The following KDR variants were observed in gnomAD, a reference collection of about 807,000 sequenced individuals.
The protein encoded by KDR is kinase insert domain receptor.
Under a neutral mutation model 160.9 loss-of-function variants are expected in KDR, and 43 were observed. The ratio of observed to expected loss-of-function variants is 0.27; its 90% CI spans 0.21 to 0.34. KDR has a LOEUF of 0.34. KDR is among the 10% of genes least tolerant of loss of function. The pLI is 1.00. For synonymous variants in KDR, 617 were observed against 600.1 expected (o/e 1.03, Z -0.41); for missense variants, 1,469 against 1,666.4 (o/e 0.88, Z 2.06).
rs151095913 is a variant in KDR, at chr4:55,100,523, T to G, written c.2266+1374A>C. Among the ~76,000 whole-genome samples, 378 of 152,322 alleles carry G rather than the reference T, an allele frequency of 2.5e-3. 4 individuals carry two copies. Among genetic ancestry groups the G allele is most frequent in the African/African-American group, 8.4e-3 (351 of 41,574 alleles). On this transcript the variant is annotated intron_variant, in intron 15 of 29. Transcript: ENST00000263923. Reference sequence around the variant, plus strand: ...TGCCAGTGTTACCTAGTTAGGCATCTGTAACCAGCTGCAGGCCACCAACAA... The same window carrying G: ...TGCCAGTGTTACCTAGTTAGGCATCGGTAACCAGCTGCAGGCCACCAACAA...
At position 55,098,749 on chromosome 4, in the gene KDR, A is replaced by G; in HGVS notation, c.2321T>C (p.Ile774Thr). Residue 774 changes from isoleucine to threonine, a missense_variant, in exon 16 of 30, where the codon ATT (isoleucine) becomes ACT (threonine). This residue lies in a region of KDR where 118 missense variants were observed against 110.8 expected (regional missense o/e 1.06). Transcript: ENST00000263923. ...AAGAAGTAGCCAGAAGAACATGGCA[A>G]TCACCGCCGTGCCTACTAGAATAAT... ...EIIILVGTAV[I>T]AMFFWLLLVI... 1 of 1,613,498 alleles carries G rather than the reference A, an allele frequency of 6.2e-7. No homozygotes were observed. The highest frequency in any genetic ancestry group is 8.5e-7 in the Non-Finnish European group (1 of 1,179,558).
Position 55,125,366 on chromosome 4 carries a change from G to C in KDR, c.-73C>G. On this transcript the variant is annotated 5_prime_UTR_variant, in exon 1 of 30. Transcript: ENST00000263923. The stretch of plus-strand genomic sequence containing the variant: ...TTTCTCCCAGCGCCTGTCTAGAGAA[G>C]GAGGCGCGGAGGTGGAACTCGCGGC... 1 of 1,514,116 alleles carries C rather than the reference G, an allele frequency of 6.6e-7. No homozygotes were observed. The highest frequency in any genetic ancestry group is 2.4e-5 in the East Asian group (1 of 41,656). The allele number at this position is 1,514,116 out of a possible 1,614,324, so 93.8% of individuals were successfully genotyped here.
In KDR at chr4:55,125,423, G is replaced by T; in HGVS notation, c.-130C>A. On this transcript the variant is annotated 5_prime_UTR_variant, in exon 1 of 30. Coordinates refer to ENST00000263923, the MANE Select transcript of KDR (RefSeq NM_002253.4). The stretch of plus-strand genomic sequence containing the variant: ...CAGCGCAGGACAGTTGAGCGCACAG[G>T]GCTAGGGAGCCCGGGCGCCGACCGC... 8.3e-7 allele frequency: 1 copy of T among 1,202,878 alleles called. No homozygotes were observed. The highest frequency in any genetic ancestry group is 1.2e-6 in the Non-Finnish European group (1 of 850,554). The allele number at this position is 1,202,878 out of a possible 1,614,324, so 74.5% of individuals were successfully genotyped here.
At chr4:55,114,542 T>C (rs1379522412) in intron 5 of KDR, among the ~76,000 whole-genome samples, 2 of 152,176 alleles carry the variant, frequency 1.3e-5, no homozygotes, top group East Asian at 3.8e-4. Flanking sequence ...CTTTAGCAAA[T>C]TGCTGAAGTT....
At chr4:55,108,226 G>T (rs942543175) in intron 9 of KDR, among the ~76,000 whole-genome samples, 2 of 149,284 alleles carry the variant, frequency 1.3e-5, no homozygotes, top group Non-Finnish European at 3.0e-5. Flanking sequence ...ATAAAGTAAC[G>T]AAATAAAATA....
chr4:55,108,953 G>A (rs1334774075), intron 9 of KDR, among the ~76,000 whole-genome samples: 1 of 152,010 alleles, frequency 6.6e-6, no homozygotes, highest in Non-Finnish European at 1.5e-5. Context: ...TGATGAAATG[G>A]GCTATTTGCT....
In KDR at chr4:55,096,274, G is replaced by A. The variant is rs1720153828; in HGVS notation, c.2683C>T (p.His895Tyr). ...ELKILIHIGH[H>Y]LNVVNLLGAC... ...CCTAGAAGGTTGACCACATTGAGAT[G>A]GTGACCAATATGAATGAGGATCTTG... The change falls in exon 19 of 30, where the codon CAT (histidine) becomes TAT (tyrosine). Residue 895 changes from histidine (H) to tyrosine (Y), a missense_variant. Physicochemically the swap from His to Tyr is moderately conservative, Grantham distance 83 (BLOSUM62 2). Coordinates refer to ENST00000263923, the MANE Select transcript of KDR (RefSeq NM_002253.4). 1.2e-6 allele frequency: 2 copies of A among 1,613,462 alleles called. No individual in the cohort carries two copies. The highest frequency in any genetic ancestry group is 1.7e-5 in the Admixed American group (1 of 59,982).
intron 21 of KDR, among the ~76,000 whole-genome samples, chr4:55,093,337 C>G (rs967605252): frequency 6.6e-6 from 1 of 152,150 alleles, no homozygotes; most frequent in Non-Finnish European, 1.5e-5. Flanking sequence ...TTCAGTGCAA[C>G]TGGTACAAAT....
intron 9 of KDR, among the ~76,000 whole-genome samples, chr4:55,108,907 G>T (rs576122406): frequency 6.8e-4 from 104 of 152,166 alleles, no homozygotes; most frequent in African/African-American, 2.4e-3. Context: ...CAGAGAATTT[G>T]CTAAAGTGAA....
At chr4:55,090,163 T>A in intron 22 of KDR, 85 bp from the exon 23 acceptor site, 1 of 1,500,586 alleles carries the variant, frequency 6.7e-7, no homozygotes, top group Non-Finnish European at 9.2e-7. Flanking sequence ...CAAAAAAAAA[T>A]CCCACATCAG....
chr4:55,116,191 T>G (rs1471531891), intron 3 of KDR, among the ~76,000 whole-genome samples: 2 of 152,070 alleles, frequency 1.3e-5, no homozygotes, highest in East Asian at 3.9e-4. Context: ...CTGAGGCAGG[T>G]GGATCACTTG....
rs758307396 is a variant in KDR, at chr4:55,110,775, G to GAAAA, written c.977-11_977-8dup. 7.2e-7 allele frequency: 1 copy of GAAAA among 1,386,968 alleles called. No individual in the cohort carries two copies. Among genetic ancestry groups the GAAAA allele is most frequent in the Non-Finnish European group, 9.5e-7 (1 of 1,054,734 alleles). 85.9% of individuals were successfully genotyped at this position (1,386,968 alleles called of 1,614,324 possible). A position where few individuals can be genotyped will look rare whatever the true frequency, so the allele number is the denominator to read the frequency against. ...AAAGCAACAAAAGGTTTTTCTGGAA[G>GAAAA]AAAATAAAAAAAAAAAAAGGTCAAC... On this transcript the variant is annotated splice_polypyrimidine_tract_variant and splice_region_variant and intron_variant, in intron 7 of 29. Transcript: ENST00000263923.
chr4:55,087,584 G>A, intron 27 of KDR, 23 bp downstream of exon 27: 1 of 1,612,708 alleles, frequency 6.2e-7, no homozygotes, highest in Non-Finnish European at 8.5e-7. Context: ...CTCCCCCGGG[G>A]GATGTTAGGC....
intron 11 of KDR, among the ~76,000 whole-genome samples, chr4:55,106,427 C>T (rs1297234425): frequency 6.6e-6 from 1 of 152,070 alleles, no homozygotes; most frequent in Non-Finnish European, 1.5e-5. Flanking sequence ...CACATTTTTT[C>T]ATTCTCATGT....
rs1721005527 is a variant in KDR, at chr4:55,125,351, C to A, written c.-58G>T. ...CTCGGGAGCCGGTTCTTTCTCCCAG[C>A]GCCTGTCTAGAGAAGGAGGCGCGGA... On this transcript the variant is annotated 5_prime_UTR_variant, in exon 1 of 30. Transcript: ENST00000263923. 6 of 1,559,234 alleles carry A rather than the reference C, an allele frequency of 3.8e-6. No homozygotes were observed. In the Admixed American group the frequency reaches 5.6e-5, roughly 15 times the overall value.
At chr4:55,087,575 T>C in intron 27 of KDR, 32 bp downstream of exon 27, 2 of 1,609,590 alleles carry the variant, frequency 1.2e-6, no homozygotes, top group South Asian at 1.1e-5. Context: ...GAAGTCACCC[T>C]CCCCCGGGGG....
At chr4:55,081,407 C>T (rs1275619391) in intron 29 of KDR, among the ~76,000 whole-genome samples, 3 of 152,024 alleles carry the variant, frequency 2.0e-5, no homozygotes, top group African/African-American at 7.2e-5. Context: ...AGAACGTACA[C>T]GTATTCAAGA....
In KDR at chr4:55,101,905, A is replaced by T. The variant is rs774241378; in HGVS notation, c.2258T>A (p.Ile753Lys). Residue 753 changes from isoleucine to lysine, a missense_variant, in exon 15 of 30, where the codon ATA (isoleucine) becomes AAA (lysine). Transcript: ENST00000263923. ...TTTTTTATCCCACTGACCTTCTATT[A>T]TGAAAAATGCCTCCACTTTTGCACA... ...LGCAKVEAFF[I>K]IEGAQEKTNL... 4 of 1,613,150 alleles carry T rather than the reference A, an allele frequency of 2.5e-6. No homozygotes were observed. Among genetic ancestry groups the T allele is most frequent in the Non-Finnish European group, 3.4e-6 (4 of 1,179,564 alleles).
At chr4:55,120,601 C>T (rs923413814) in intron 2 of KDR, among the ~76,000 whole-genome samples, 1 of 152,052 alleles carries the variant, frequency 6.6e-6, no homozygotes, top group Non-Finnish European at 1.5e-5. Flanking sequence ...TATTAAATTG[C>T]TATTAAATAT....
Sources: allele counts gnomAD v4.1 joint callset (sites outside exome capture counted in the v4.1 genomes callset), GRCh38; gene constraint gnomAD v4.1.1; regional missense constraint gnomAD v4.1.1; transcripts MANE v1.5; gene names NCBI Gene and HGNC (gene_info 2026-07-23, HGNC 2026-07-21).